Variants in RYR2 observed in about 807,000 individuals in gnomAD.
RYR2 encodes ryanodine receptor 2.
Under a neutral mutation model 601.1 loss-of-function variants are expected in RYR2, and 227 were observed. The observed-to-expected ratio is 0.38, with a 90% CI of 0.34 to 0.42. The LOEUF (loss-of-function observed/expected upper bound fraction) is 0.42, where lower values mean the gene tolerates loss of function less well. Ranked by LOEUF, RYR2 falls within the 10% of genes least tolerant of loss-of-function variation. The pLI, the probability that RYR2 is intolerant of heterozygous loss-of-function variation, is 1.00. For synonymous variants in RYR2, 2,223 were observed against 2,175.1 expected, an observed-to-expected ratio of 1.02 and a Z score of -0.61; for missense variants, 4,646 against 6,156.5, an observed-to-expected ratio of 0.75 and a Z score of 8.21.
At chr1:237,658,068 TGGTC>T in intron 54 of RYR2, 46 bp downstream of exon 54, 63 of 1,081,204 alleles carry the variant, frequency 5.8e-5, no homozygotes, top group Middle Eastern at 2.0e-4. Flanking sequence ...TATTAATGAC[TGGTC>T]ACTGTTCAAA....
chr1:237,150,783 C>T (rs182329851), intron 1 of RYR2, among the ~76,000 whole-genome samples: 5 of 152,176 alleles, frequency 3.3e-5, no homozygotes, highest in Non-Finnish European at 7.4e-5. Context: ...TTCTGGAGTT[C>T]ATGTCTGGAG....
chr1:237,335,667 C>T (rs1348449945), intron 3 of RYR2, among the ~76,000 whole-genome samples: 2 of 152,028 alleles, frequency 1.3e-5, no homozygotes, highest in African/African-American at 2.4e-5. Flanking sequence ...GACTGGGTCC[C>T]TTTATTATTA....
intron 1 of RYR2, among the ~76,000 whole-genome samples, chr1:237,154,289 G>A (rs1406600516): frequency 2.0e-5 from 3 of 152,208 alleles, no homozygotes; most frequent in East Asian, 1.9e-4. Flanking sequence ...ACAAATAAGA[G>A]GCTTTATCCA....
chr1:237,761,360 A>G (rs1453687678), intron 84 of RYR2, among the ~76,000 whole-genome samples: 2 of 152,164 alleles, frequency 1.3e-5, no homozygotes, highest in Non-Finnish European at 2.9e-5. Context: ...GAACCTTTCA[A>G]GAACATTTGA....
intron 17 of RYR2, among the ~76,000 whole-genome samples, chr1:237,478,407 A>G (rs2150350961): frequency 6.6e-6 from 1 of 152,326 alleles, no homozygotes; most frequent in South Asian, 2.1e-4. Context: ...TAGTGACACT[A>G]CAAATGTGCT....
chr1:237,179,747 G>A (rs528916757), intron 1 of RYR2, among the ~76,000 whole-genome samples: 2 of 152,094 alleles, frequency 1.3e-5, no homozygotes, highest in Admixed American at 6.5e-5. Flanking sequence ...GGAATGTCTG[G>A]AAGAGCTGAG....
chr1:237,564,098 T>G (rs1230997332), intron 27 of RYR2, among the ~76,000 whole-genome samples: 1 of 152,136 alleles, frequency 6.6e-6, no homozygotes, highest in Non-Finnish European at 1.5e-5. Context: ...AATCTCCAAA[T>G]TTTTGTGTAA....
intron 1 of RYR2, among the ~76,000 whole-genome samples, chr1:237,044,150 A>G (rs12123449): frequency 0.14 from 21,918 of 151,406 alleles, 1,857 homozygotes; most frequent in Non-Finnish European, 0.17. Context: ...TGCTAGTAAT[A>G]CAGTTGTCTT....
intron 17 of RYR2, among the ~76,000 whole-genome samples, chr1:237,476,970 C>T (rs945108682): frequency 6.6e-6 from 1 of 152,158 alleles, no homozygotes; most frequent in Admixed American, 6.5e-5. Flanking sequence ...ATTTTATTTT[C>T]CCTTTGCATA....
Position 237,832,610 on chromosome 1 carries a change from A to G in RYR2, c.14867A>G (p.Asp4956Gly), listed in dbSNP as rs1467921503. Residue 4956 changes from aspartate (D) to glycine (G), a missense_variant, in exon 105 of 105, where the codon GAT (aspartate) becomes GGT (glycine). By Grantham distance (94) the Asp-to-Gly change is moderately conservative. Around this residue, in one of 17 missense-constraint regions of RYR2, gnomAD observed 55 missense variants for 204.7 expected, o/e 0.27. Coordinates refer to ENST00000366574, the MANE Select transcript of RYR2 (RefSeq NM_001035.3). The part of the protein sequence containing the change: ...ERCWEFFPAG[D>G]CFRKQYEDQL... ...TGTTGGGAATTTTTCCCAGCAGGGGATTGCTTCCGGAAACAGTATGAAGAC... is the reference window on the plus strand; with the variant it reads ...TGTTGGGAATTTTTCCCAGCAGGGGGTTGCTTCCGGAAACAGTATGAAGAC... 1 of 1,612,324 alleles carries G rather than the reference A, an allele frequency of 6.2e-7. No individual in the cohort carries two copies. Among genetic ancestry groups the G allele is most frequent in the Non-Finnish European group, 8.5e-7 (1 of 1,178,804 alleles).
At chr1:237,468,989 G>T (rs1249750850) in intron 16 of RYR2, 103 bp from the exon 17 acceptor site, 9 of 844,652 alleles carry the variant, frequency 1.1e-5, no homozygotes, top group Non-Finnish European at 1.8e-5. Context: ...TGTAACAGAG[G>T]ATATTTTGTT....
chr1:237,444,777 T>C (rs1318793573), intron 13 of RYR2, among the ~76,000 whole-genome samples: 3 of 152,186 alleles, frequency 2.0e-5, no homozygotes, highest in African/African-American at 7.2e-5. Flanking sequence ...CCTAACATTA[T>C]AGTTTCATAG....
At chr1:237,086,837 G>A (rs1666388093) in intron 1 of RYR2, among the ~76,000 whole-genome samples, 1 of 152,156 alleles carries the variant, frequency 6.6e-6, no homozygotes, top group Non-Finnish European at 1.5e-5. Flanking sequence ...GCAGTAGAAC[G>A]AGGTTGGCAA....
intron 76 of RYR2, among the ~76,000 whole-genome samples, chr1:237,727,830 A>AGTAGCCT (rs1224489528): frequency 2.0e-5 from 3 of 152,258 alleles, no homozygotes; most frequent in Middle Eastern, 6.8e-3. Flanking sequence ...TTAATAGAGA[A>AGTAGCCT]GTAGCCTGGT....
rs1310372760 is a variant in RYR2 at position 237,593,463 on chromosome 1, G to A, written c.4276-13G>A. On this transcript the variant is annotated splice_polypyrimidine_tract_variant and intron_variant, in intron 32 of 104. Transcript: ENST00000366574. Reference sequence around the variant, plus strand: ...TTTTACTTTGCCAATATTTGGTTCTGCTATCTTCACAGTACTATTACTCAG... The same window carrying A: ...TTTTACTTTGCCAATATTTGGTTCTACTATCTTCACAGTACTATTACTCAG... 1 of 1,585,592 alleles carries A rather than the reference G, an allele frequency of 6.3e-7. No homozygotes were observed. Among genetic ancestry groups the A allele is most frequent in the Admixed American group, 1.8e-5 (1 of 55,186 alleles).
intron 88 of RYR2, 66 bp from the exon 89 acceptor site, chr1:237,781,499 A>C: frequency 1.3e-6 from 1 of 792,774 alleles, no homozygotes. Context: ...TTTTGTGAGA[A>C]TAAGTATGAT....
Position 237,819,197 on chromosome 1 carries a change from G to C in RYR2, c.14590+5G>C. The C allele has an allele frequency of 6.2e-7, 1 of 1,611,622 alleles. No individual in the cohort carries two copies. The highest frequency in any genetic ancestry group is 8.5e-7 in the Non-Finnish European group (1 of 1,178,058). On this transcript the variant is annotated splice_donor_5th_base_variant and intron_variant, in intron 101 of 104. Coordinates refer to ENST00000366574, the MANE Select transcript of RYR2 (RefSeq NM_001035.3). The surrounding 1 kb of genome is among the most constrained non-coding windows in gnomAD (Gnocchi z 4.0). ...TTCTCTTGGCCATAATACAAGGTAA[G>C]TATCCTCCTCACTGAAGCTGATGAA...
intron 1 of RYR2, among the ~76,000 whole-genome samples, chr1:237,240,298 A>G (rs1247121124): frequency 6.6e-6 from 1 of 152,164 alleles, no homozygotes; most frequent in Non-Finnish European, 1.5e-5. Context: ...ACAATTCTGG[A>G]GCACTGAATA....
At chr1:237,160,789 C>T (rs985827519) in intron 1 of RYR2, among the ~76,000 whole-genome samples, 41 of 151,964 alleles carry the variant, frequency 2.7e-4, no homozygotes, top group African/African-American at 9.7e-4. Context: ...AACTAAGAAA[C>T]TAAGAGTTGA....
Sources: allele counts gnomAD v4.1 joint callset (sites outside exome capture counted in the v4.1 genomes callset), GRCh38; gene constraint gnomAD v4.1.1; regional missense constraint gnomAD v4.1.1; non-coding constraint Gnocchi (gnomAD v3.1); transcripts MANE v1.5; gene names NCBI Gene and HGNC (gene_info 2026-07-23, HGNC 2026-07-21).